The following ABTB3 variants were observed in gnomAD, a reference collection of about 807,000 sequenced individuals.
ABTB3 encodes the protein ankyrin repeat- and BTB/POZ domain-containing protein 3.
the ABTB3 span, chr12:107,319,012 C>A: frequency 6.2e-7 from 1 of 1,613,538 alleles, no homozygotes; most frequent in Non-Finnish European, 8.5e-7. Flanking sequence ...GTTATGGTGG[C>A]GCGGCGGACT....
the ABTB3 span, among the ~76,000 whole-genome samples, chr12:107,469,866 T>TTTTCTTTCTTTCTTTCTTTCTTTC: frequency 1.7e-4 from 13 of 75,574 alleles, no homozygotes; most frequent in East Asian, 3.9e-4. Context: ...TCTTTCTTTC[T>TTTTCTTTCTTTCTTTCTTTCTTTC]TTTCTTTCTT....
chr12:107,579,396 C>T, the ABTB3 span, among the ~76,000 whole-genome samples: 4 of 152,296 alleles, frequency 2.6e-5, no homozygotes, highest in South Asian at 4.1e-4. Context: ...TGACTCCCAG[C>T]TCTTGCTAGT....
the ABTB3 span, among the ~76,000 whole-genome samples, chr12:107,350,971 A>G: frequency 6.6e-6 from 1 of 152,112 alleles, no homozygotes; most frequent in African/African-American, 2.4e-5. Flanking sequence ...TGAGTTTTCC[A>G]TTGTGCCATA....
At chr12:107,624,957 CTG>C in the ABTB3 span, among the ~76,000 whole-genome samples, 75 of 152,294 alleles carry the variant, frequency 4.9e-4, no homozygotes, top group Non-Finnish European at 7.8e-4. Context: ...CTGGAAAAGA[CTG>C]AGTAATTCAG....
At chr12:107,399,846 C>G in the ABTB3 span, among the ~76,000 whole-genome samples, 1 of 152,116 alleles carries the variant, frequency 6.6e-6, no homozygotes, top group Non-Finnish European at 1.5e-5. Flanking sequence ...TTGCCCCCGA[C>G]AGCCCGACAG....
At chr12:107,411,040 C>A in the ABTB3 span, among the ~76,000 whole-genome samples, 1 of 152,140 alleles carries the variant, frequency 6.6e-6, no homozygotes, top group Non-Finnish European at 1.5e-5. Context: ...TGGCTCATGC[C>A]CGTAATCCCA....
chr12:107,581,239 C>G, the ABTB3 span: 1 of 1,526,228 alleles, frequency 6.6e-7, no homozygotes, highest in Non-Finnish European at 8.7e-7. Context: ...CCATGGACAG[C>G]GACGACGTCC....
At chr12:107,350,616 G>T in the ABTB3 span, among the ~76,000 whole-genome samples, 2 of 151,974 alleles carry the variant, frequency 1.3e-5, no homozygotes, top group African/African-American at 4.8e-5. Flanking sequence ...GCCACCCAGG[G>T]ATCTAATAGG....
chr12:107,597,003 G>A, the ABTB3 span, among the ~76,000 whole-genome samples: 1 of 152,238 alleles, frequency 6.6e-6, no homozygotes. Context: ...CAACCCTGGT[G>A]CATCCCTTAG....
At chr12:107,404,162 C>CAAAAAAA in the ABTB3 span, among the ~76,000 whole-genome samples, 45 of 40,180 alleles carry the variant, frequency 1.1e-3, no homozygotes, top group Admixed American at 1.7e-3. Context: ...GACTCTAACT[C>CAAAAAAA]AAAAAAAAAA....
the ABTB3 span, among the ~76,000 whole-genome samples, chr12:107,423,505 A>G: frequency 1.3e-5 from 2 of 152,170 alleles, no homozygotes; most frequent in African/African-American, 4.8e-5. Flanking sequence ...AGCACACTGT[A>G]TCCAGCTATT....
the ABTB3 span, among the ~76,000 whole-genome samples, chr12:107,352,615 C>T: frequency 6.6e-6 from 1 of 152,160 alleles, no homozygotes; most frequent in Non-Finnish European, 1.5e-5. Context: ...CTGGGGCTAC[C>T]TGTGAGAGCG....
chr12:107,515,254 A>G, the ABTB3 span, among the ~76,000 whole-genome samples: 1 of 152,196 alleles, frequency 6.6e-6, no homozygotes, highest in East Asian at 1.9e-4. Flanking sequence ...TTTTAAAACA[A>G]AGATCTGGGT....
chr12:107,495,918 G>A, the ABTB3 span, among the ~76,000 whole-genome samples: 1 of 152,126 alleles, frequency 6.6e-6, no homozygotes, highest in Non-Finnish European at 1.5e-5. Flanking sequence ...ATTTAGAATG[G>A]CACATAGTAA....
the ABTB3 span, among the ~76,000 whole-genome samples, chr12:107,652,486 A>G: frequency 6.6e-6 from 1 of 152,222 alleles, no homozygotes; most frequent in Non-Finnish European, 1.5e-5. Flanking sequence ...GGTGATTCTC[A>G]GATGGGGCCA....
At chr12:107,378,777 A>T in the ABTB3 span, among the ~76,000 whole-genome samples, 1 of 152,136 alleles carries the variant, frequency 6.6e-6, no homozygotes, top group Non-Finnish European at 1.5e-5. Context: ...CTAAGAATGG[A>T]TCTTCTGTCA....
the ABTB3 span, among the ~76,000 whole-genome samples, chr12:107,607,027 G>A: frequency 1.5e-4 from 23 of 152,278 alleles, no homozygotes; most frequent in East Asian, 9.7e-4. Flanking sequence ...CACAGCTGCA[G>A]CAAGGGGTCC....
At chr12:107,521,324 C>A in the ABTB3 span, among the ~76,000 whole-genome samples, 1 of 149,942 alleles carries the variant, frequency 6.7e-6, no homozygotes, top group African/African-American at 2.5e-5. Context: ...CCATGGCCTT[C>A]GTGCAAGGCT....
chr12:107,545,425 T>C, the ABTB3 span, among the ~76,000 whole-genome samples: 1 of 151,950 alleles, frequency 6.6e-6, no homozygotes, highest in African/African-American at 2.4e-5. Flanking sequence ...TGCATTTTTT[T>C]TGTAGAGACA....
Sources: allele counts gnomAD v4.1 joint callset (sites outside exome capture counted in the v4.1 genomes callset), GRCh38; gene constraint gnomAD v4.1.1; transcripts MANE v1.5; gene names NCBI Gene and HGNC (gene_info 2026-07-23, HGNC 2026-07-21).